The following NCOR1 variants were observed in gnomAD, a reference collection of about 807,000 sequenced individuals.
NCOR1 encodes the protein protein phosphatase 1, regulatory subunit 109.
A neutral mutation model predicts 288.1 loss-of-function variants in NCOR1; 63 were observed. That is an observed-to-expected ratio of 0.22 (90% CI 0.18 to 0.27). NCOR1 has a LOEUF of 0.27. NCOR1 is among the 10% of genes least tolerant of loss of function. The pLI is 1.00. For synonymous variants in NCOR1, 1,007 were observed against 1,065.9 expected (o/e 0.94, Z 1.08); for missense variants, 2,397 against 3,019.2 (o/e 0.79, Z 4.83).
At chr17:16,034,986 C>G in intron 44 of NCOR1, 42 bp from the exon 45 acceptor site, 1 of 1,575,702 alleles carries the variant, frequency 6.3e-7, no homozygotes, top group African/African-American at 1.4e-5. Flanking sequence ...ATATTAAGTT[C>G]TCAAAAATTA....
intron 2 of NCOR1, among the ~76,000 whole-genome samples, chr17:16,192,964 G>A (rs112136983): frequency 0.015 from 2,252 of 152,188 alleles, 39 homozygotes; most frequent in Non-Finnish European, 0.025. Flanking sequence ...AGCTCAGAAC[G>A]TATACAATGT....
At chr17:16,145,827 T>C (rs1002575395) in intron 10 of NCOR1, among the ~76,000 whole-genome samples, 3 of 152,090 alleles carry the variant, frequency 2.0e-5, no homozygotes, top group Admixed American at 6.5e-5. Flanking sequence ...CCGGCCAGGA[T>C]GACGATGGCG....
intron 37 of NCOR1, among the ~76,000 whole-genome samples, chr17:16,060,618 C>T (rs536307482): frequency 4.2e-4 from 64 of 152,126 alleles, no homozygotes; most frequent in Non-Finnish European, 8.8e-4. Context: ...CTAGTGGATA[C>T]TCAGAGATCA....
intron 16 of NCOR1, 51 bp downstream of exon 16, chr17:16,121,001 C>G (rs771381804): frequency 6.6e-7 from 1 of 1,523,918 alleles, no homozygotes; most frequent in Non-Finnish European, 9.0e-7. Context: ...AGCAGTGAAA[C>G]AGAATCCCGA....
intron 3 of NCOR1, among the ~76,000 whole-genome samples, chr17:16,179,666 A>G (rs991183711): frequency 6.6e-6 from 1 of 152,230 alleles, no homozygotes; most frequent in African/African-American, 2.4e-5. Flanking sequence ...TAAGTCAAGG[A>G]CATCACAAGA....
chr17:16,148,052 A>C (rs1474167222), intron 9 of NCOR1, among the ~76,000 whole-genome samples: 1 of 152,206 alleles, frequency 6.6e-6, no homozygotes, highest in Non-Finnish European at 1.5e-5. Flanking sequence ...CCCGACCTCA[A>C]GTGATCTGCC....
intron 42 of NCOR1, among the ~76,000 whole-genome samples, chr17:16,046,561 T>C (rs753242914): frequency 1.5e-4 from 23 of 152,162 alleles, no homozygotes; most frequent in Non-Finnish European, 2.6e-4. Context: ...GGGACACTGA[T>C]TGAGAGGACT....
chr17:16,181,157 TA>T (rs560056484), intron 3 of NCOR1, among the ~76,000 whole-genome samples: 16 of 142,414 alleles, frequency 1.1e-4, no homozygotes, highest in East Asian at 4.2e-4. Flanking sequence ...AGACTCTGTC[TA>T]AAAAAAAAAG....
chr17:16,134,663 C>T (rs1489113836), intron 14 of NCOR1, among the ~76,000 whole-genome samples: 1 of 152,098 alleles, frequency 6.6e-6, no homozygotes, highest in Non-Finnish European at 1.5e-5. Context: ...ACATCCGTGC[C>T]CCATAGAACT....
chr17:16,201,616 C>G (rs1426295012), intron 1 of NCOR1, among the ~76,000 whole-genome samples: 1 of 152,064 alleles, frequency 6.6e-6, no homozygotes, highest in Non-Finnish European at 1.5e-5. Flanking sequence ...ATAATAAATA[C>G]ATAATTCTTA....
intron 8 of NCOR1, among the ~76,000 whole-genome samples, chr17:16,150,621 T>A (rs1186527491): frequency 6.6e-6 from 1 of 151,152 alleles, no homozygotes; most frequent in African/African-American, 2.4e-5. Context: ...GTAGATGACA[T>A]GAAATAAATC....
intron 44 of NCOR1, among the ~76,000 whole-genome samples, chr17:16,036,883 C>G (rs1398966051): frequency 6.6e-6 from 1 of 152,250 alleles, no homozygotes; most frequent in African/African-American, 2.4e-5. Context: ...ATAGCACTTT[C>G]AATTTCCTTC....
chr17:16,054,793 A>G (rs2059722389), intron 40 of NCOR1, among the ~76,000 whole-genome samples: 1 of 151,990 alleles, frequency 6.6e-6, no homozygotes, highest in African/African-American at 2.4e-5. Context: ...TTAACCAGAT[A>G]TGGGGGCAGG....
intron 3 of NCOR1, among the ~76,000 whole-genome samples, chr17:16,177,491 T>C (rs1399789070): frequency 6.6e-6 from 1 of 152,180 alleles, no homozygotes; most frequent in Non-Finnish European, 1.5e-5. Context: ...CGTGGGATAG[T>C]CTGGGTGGGT....
In NCOR1 at chr17:16,102,346, G is replaced by C. The variant is rs1020327829; in HGVS notation, c.2183-589C>G. Among the ~76,000 whole-genome samples, 10 of 151,078 alleles carry C rather than the reference G, an allele frequency of 6.6e-5. No homozygotes were observed. In the South Asian group the frequency reaches 2.1e-3, roughly 32 times the overall value. On this transcript the variant is annotated intron_variant, in intron 19 of 45. Coordinates refer to ENST00000268712, the MANE Select transcript of NCOR1 (RefSeq NM_006311.4). The stretch of plus-strand genomic sequence containing the variant: ...TACCCAGGCTGGAGTGCAATGGTGC[G>C]ATCTCGGCTCACTGCAACCTCCGCC...
At chr17:16,127,900 A>G (rs1219151128) in intron 14 of NCOR1, among the ~76,000 whole-genome samples, 1 of 151,750 alleles carries the variant, frequency 6.6e-6, no homozygotes, top group East Asian at 1.9e-4. Flanking sequence ...CACCCAGGCT[A>G]CAGTACAGTG....
At chr17:16,056,310 T>TC (rs1031519262) in intron 40 of NCOR1, among the ~76,000 whole-genome samples, 2 of 139,608 alleles carry the variant, frequency 1.4e-5, no homozygotes, top group African/African-American at 5.3e-5. Context: ...CTTTTTATCT[T>TC]TTTTTTTTTT....
At chr17:16,176,564 C>T (rs570230829) in intron 3 of NCOR1, among the ~76,000 whole-genome samples, 12 of 150,568 alleles carry the variant, frequency 8.0e-5, no homozygotes, top group South Asian at 4.1e-4. Context: ...CCACCACGCC[C>T]GGCCTCTTTC....
At chr17:16,131,479 A>G (rs1430462874) in intron 14 of NCOR1, among the ~76,000 whole-genome samples, 1 of 152,176 alleles carries the variant, frequency 6.6e-6, no homozygotes, top group Non-Finnish European at 1.5e-5. Flanking sequence ...TTTGTTTTAA[A>G]TGTTCACCTT....
Sources: allele counts gnomAD v4.1 joint callset (sites outside exome capture counted in the v4.1 genomes callset), GRCh38; gene constraint gnomAD v4.1.1; transcripts MANE v1.5; gene names NCBI Gene and HGNC (gene_info 2026-07-23, HGNC 2026-07-21).